The following P2RY8 variants were observed in gnomAD, a reference collection of about 807,000 sequenced individuals.
P2RY8 encodes the protein P2Y receptor family member 8.
A neutral mutation model predicts 10.0 loss-of-function variants in P2RY8; 6 were observed. That is an observed-to-expected ratio of 0.60 (90% CI 0.33 to 1.19). The LOEUF (loss-of-function observed/expected upper bound fraction) is 1.19. Ranked by LOEUF, P2RY8 falls within the 50% of genes most tolerant of loss-of-function variation. The pLI is 0.04. For synonymous variants in P2RY8, 276 were observed against 252.5 expected (o/e 1.09, Z -0.88); for missense variants, 456 against 542.0 (o/e 0.84, Z 1.58).
At chrX:1,467,054 G>T (rs1316457411) in intron 1 of P2RY8, among the ~76,000 whole-genome samples, 2 of 148,818 alleles carry the variant, frequency 1.3e-5, no homozygotes, top group African/African-American at 4.9e-5. Context: ...GTCCCCCGTG[G>T]ACGGAAACCA....
chrX:1,465,148 C>A lies in P2RY8; in HGVS notation c.*331G>T. On this transcript the variant is annotated 3_prime_UTR_variant, in exon 2 of 2. Coordinates refer to ENST00000381297, the MANE Select transcript of P2RY8 (RefSeq NM_178129.5). ...GCTCGGGGGTGACAGCCCAGCTCTACTAAAAAAAATACAAAAATTAGCCGG... is the reference window on the plus strand; with the variant it reads ...GCTCGGGGGTGACAGCCCAGCTCTAATAAAAAAAATACAAAAATTAGCCGG... 2.4e-6 allele frequency: 1 copy of A among 417,714 alleles called. No individual in the cohort carries two copies. The allele number at this position is 417,714 out of a possible 1,614,324, so 25.9% of individuals were successfully genotyped here.
At chrX:1,488,735 T>G (rs1376597737) in intron 1 of P2RY8, among the ~76,000 whole-genome samples, 7 of 111,186 alleles carry the variant, frequency 6.3e-5, no homozygotes, top group East Asian at 2.0e-4. Flanking sequence ...AAATGCAGGG[T>G]GTGTGTGTGT....
At position 1,463,679 on chromosome X, in the gene P2RY8, CT is replaced by C; in HGVS notation, c.*1799del. 4.3e-6 allele frequency: 1 copy of C among 232,534 alleles called. No homozygotes were observed. Among genetic ancestry groups the C allele is most frequent in the Non-Finnish European group, 8.5e-6 (1 of 117,804 alleles). The allele number at this position is 232,534 out of a possible 1,614,324, so 14.4% of individuals were successfully genotyped here. Reference sequence around the variant, plus strand: ...CTTTCTGGGGCAACTGTTTAGTGCACTCTGCAATTGTATCCAGTTCCCTCCA... The same window carrying C: ...CTTTCTGGGGCAACTGTTTAGTGCACCTGCAATTGTATCCAGTTCCCTCCA... On this transcript the variant is annotated 3_prime_UTR_variant, in exon 2 of 2. Transcript: ENST00000381297.
chrX:1,536,757 C>G (rs1389687515), intron 1 of P2RY8, among the ~76,000 whole-genome samples, 164 bp downstream of exon 1: 1 of 152,106 alleles, frequency 6.6e-6, no homozygotes, highest in Non-Finnish European at 1.5e-5. Context: ...AGTCTTCCTC[C>G]CAGGAAATTT....
chrX:1,464,644 T>C lies in P2RY8; in HGVS notation c.*835A>G, dbSNP rs2091637327. ...GGCCTCCCGTGGTCCTTGTCCTGAGTCAGGGAAGCCTGAGTGTGTTCCAGG... is the reference window on the plus strand; with the variant it reads ...GGCCTCCCGTGGTCCTTGTCCTGAGCCAGGGAAGCCTGAGTGTGTTCCAGG... On this transcript the variant is annotated 3_prime_UTR_variant, in exon 2 of 2. Transcript: ENST00000381297. 1 of 233,180 alleles carries C rather than the reference T, an allele frequency of 4.3e-6. No individual in the cohort carries two copies. Among genetic ancestry groups the C allele is most frequent in the South Asian group, 1.8e-4 (1 of 5,516 alleles). The allele number at this position is 233,180 out of a possible 1,614,324, so 14.4% of individuals were successfully genotyped here.
chrX:1,516,956 G>C lies in P2RY8; in HGVS notation c.-25+19965C>G, dbSNP rs148243952. ...TAAGCCACGCAGTCTATGGTATTCT[G>C]TGTTAGCAGCCTGAAGTGGACTAAG... On this transcript the variant is annotated intron_variant, in intron 1 of 1. Transcript: ENST00000381297. 4.0e-5 allele frequency among the ~76,000 whole-genome samples: 6 copies of C among 151,886 alleles called. No homozygotes were observed. The East Asian group carries it at 1.2e-3, about 30-fold the overall frequency.
chrX:1,469,225 G>C (rs753317766), intron 1 of P2RY8, among the ~76,000 whole-genome samples: 2 of 145,290 alleles, frequency 1.4e-5, no homozygotes, highest in Middle Eastern at 3.2e-3. Context: ...ATGCAATGGC[G>C]TGATCTCGGC....
At chrX:1,517,934 C>G (rs751861815) in intron 1 of P2RY8, among the ~76,000 whole-genome samples, 1 of 150,782 alleles carries the variant, frequency 6.6e-6, no homozygotes. Context: ...CATGGTGAAA[C>G]CCCATCTCTA....
rs1216331744 is a variant in P2RY8, at chrX:1,509,225, AT to A, written c.-25+27695del. ...TATCTACCTATCTAGCCATCCATCT[AT>A]TTATCTCTCTATCATCTATGTATCT... On this transcript the variant is annotated intron_variant, in intron 1 of 1. Coordinates refer to ENST00000381297, the MANE Select transcript of P2RY8 (RefSeq NM_178129.5). Among the ~76,000 whole-genome samples the A allele has an allele frequency of 2.8e-3, 408 of 146,692 alleles. 2 individuals are homozygous for A. The highest frequency in any genetic ancestry group is 4.8e-3 in the Non-Finnish European group (313 of 65,878).
intron 1 of P2RY8, among the ~76,000 whole-genome samples, chrX:1,509,544 CATCT>C (rs1341367746): frequency 7.8e-6 from 1 of 128,430 alleles, no homozygotes; most frequent in African/African-American, 3.4e-5. Context: ...TCCATCCATC[CATCT>C]ATTCTATCAT....
intron 1 of P2RY8, among the ~76,000 whole-genome samples, chrX:1,505,399 G>A (rs1249257929): frequency 2.0e-5 from 3 of 152,180 alleles, no homozygotes; most frequent in Non-Finnish European, 4.4e-5. Context: ...GAGTTTCCTC[G>A]TGGCCAGCAA....
intron 1 of P2RY8, among the ~76,000 whole-genome samples, chrX:1,505,938 C>CAAAAG (rs1448263962): frequency 3.3e-5 from 5 of 150,246 alleles, no homozygotes; most frequent in Non-Finnish European, 5.9e-5. Context: ...AACTTTGTAA[C>CAAAAG]AAAAGAATAT....
At chrX:1,530,868 T>TTCTA (rs752516327) in intron 1 of P2RY8, among the ~76,000 whole-genome samples, 1 of 151,712 alleles carries the variant, frequency 6.6e-6, no homozygotes, top group Non-Finnish European at 1.5e-5. Context: ...GTATTGTCTA[T>TTCTA]TCTATCTCTC....
Position 1,521,518 on chromosome X carries a change from C to T in P2RY8, c.-25+15403G>A, listed in dbSNP as rs540660026. On this transcript the variant is annotated intron_variant, in intron 1 of 1. Coordinates refer to ENST00000381297, the MANE Select transcript of P2RY8 (RefSeq NM_178129.5). ...ATCATTGAGTACCCAGCATGGAACA[C>T]GGCTTGCAACCACTGTCACCCTGGC... Among the ~76,000 whole-genome samples the T allele has an allele frequency of 2.0e-5, 3 of 152,248 alleles. No individual in the cohort carries two copies. In the South Asian group the frequency reaches 6.2e-4, roughly 32 times the overall value.
intron 1 of P2RY8, among the ~76,000 whole-genome samples, chrX:1,472,731 GTGGATGTGTGGA>G (rs2091806955): frequency 8.1e-6 from 1 of 122,800 alleles, no homozygotes; most frequent in Non-Finnish European, 1.7e-5. Flanking sequence ...GGGTGGGTGG[GTGGATGTGTGGA>G]TGGATAGATC....
At chrX:1,500,734 C>G (rs2092170550) in intron 1 of P2RY8, among the ~76,000 whole-genome samples, 1 of 152,148 alleles carries the variant, frequency 6.6e-6, no homozygotes, top group Non-Finnish European at 1.5e-5. Context: ...AGGCGAGAGG[C>G]CCTGCGCCCG....
chrX:1,483,295 G>T (rs548133240), intron 1 of P2RY8, among the ~76,000 whole-genome samples: 1 of 151,998 alleles, frequency 6.6e-6, no homozygotes, highest in African/African-American at 2.4e-5. Flanking sequence ...GTTCCTGCCC[G>T]AAGTCAAAGC....
intron 1 of P2RY8, among the ~76,000 whole-genome samples, chrX:1,521,297 T>G (rs1440623675): frequency 6.6e-6 from 1 of 152,062 alleles, no homozygotes; most frequent in Non-Finnish European, 1.5e-5. Context: ...CCGCCCGCCT[T>G]GGCCTCCCAA....
intron 1 of P2RY8, among the ~76,000 whole-genome samples, chrX:1,534,701 C>G: frequency 6.6e-6 from 1 of 152,252 alleles, no homozygotes; most frequent in Middle Eastern, 3.4e-3. Context: ...GAGAGAGACT[C>G]AGACGAGAGG....
Sources: allele counts gnomAD v4.1 joint callset (sites outside exome capture counted in the v4.1 genomes callset), GRCh38; gene constraint gnomAD v4.1.1; transcripts MANE v1.5; gene names NCBI Gene and HGNC (gene_info 2026-07-23, HGNC 2026-07-21).